Variants in PRKCB observed in about 807,000 individuals in gnomAD.
PRKCB encodes the protein protein kinase C beta type.
PRKCB carries 13 observed loss-of-function variants against 81.5 expected under a neutral mutation model. The observed-to-expected ratio is 0.16, with a 90% CI of 0.10 to 0.25. PRKCB has a LOEUF of 0.25. Among genes scored for constraint, PRKCB ranks in the 10% least tolerant of loss-of-function variants. The pLI is 1.00. For missense variants in PRKCB, 509 were observed against 875.7 expected (o/e 0.58, Z 5.29); for synonymous variants, 335 against 321.4 (o/e 1.04, Z -0.45).
Position 24,016,195 on chromosome 16 carries a change from A to G in PRKCB, c.289-15941A>G, listed in dbSNP as rs534858360. Among the ~76,000 whole-genome samples the G allele has an allele frequency of 3.3e-5, 5 of 152,270 alleles. No homozygotes were observed. The East Asian group carries it at 9.6e-4, about 29-fold the overall frequency. On this transcript the variant is annotated intron_variant, in intron 3 of 16. Coordinates refer to ENST00000643927, the MANE Select transcript of PRKCB (RefSeq NM_002738.7). ...GGATAACATCAAGAGAGCTGGCCCA[A>G]GGTCACCATTTCTTCCCAGCTTTTA...
intron 5 of PRKCB, among the ~76,000 whole-genome samples, chr16:24,080,948 A>G (rs1330443311): frequency 3.3e-5 from 5 of 152,210 alleles, no homozygotes; most frequent in Non-Finnish European, 7.4e-5. Flanking sequence ...AACCTATTTT[A>G]TGAGGCTAGC....
intron 8 of PRKCB, among the ~76,000 whole-genome samples, chr16:24,119,376 C>G (rs762464151): frequency 5.9e-5 from 9 of 152,064 alleles, no homozygotes; most frequent in African/African-American, 2.2e-4. Flanking sequence ...CTGTCCACTA[C>G]GCAAAGTCAA....
chr16:23,905,765 G>T (rs1317258032), intron 2 of PRKCB, among the ~76,000 whole-genome samples: 1 of 152,130 alleles, frequency 6.6e-6, no homozygotes, highest in African/African-American at 2.4e-5. Context: ...ATAAATATGG[G>T]TTGAATGAGT....
At chr16:24,044,971 G>A (rs1055299697) in intron 5 of PRKCB, among the ~76,000 whole-genome samples, 14 of 152,180 alleles carry the variant, frequency 9.2e-5, no homozygotes, top group Non-Finnish European at 2.1e-4. Flanking sequence ...GGTGTGGAAG[G>A]ATACCAACCA....
At position 23,836,280 on chromosome 16, in the gene PRKCB, G is replaced by A; in HGVS notation, c.105G>A (p.Lys35=). ...ALRQKNVHEV[K]NHKFTARFFK... ...GGCAGAAGAACGTGCATGAGGTCAAGAACCACAAATTCACCGCCCGCTTCT... is the reference window on the plus strand; with the variant it reads ...GGCAGAAGAACGTGCATGAGGTCAAAAACCACAAATTCACCGCCCGCTTCT... Residue 35 remains lysine (K), a synonymous_variant, in exon 1 of 17, where the codon AAG becomes AAA. Transcript: ENST00000643927. 1 of 1,605,642 alleles carries A rather than the reference G, an allele frequency of 6.2e-7. No homozygotes were observed. The highest frequency in any genetic ancestry group is 8.5e-7 in the Non-Finnish European group (1 of 1,176,344).
At chr16:24,182,741 C>T (rs1413777631) in intron 13 of PRKCB, among the ~76,000 whole-genome samples, 1 of 152,144 alleles carries the variant, frequency 6.6e-6, no homozygotes, top group African/African-American at 2.4e-5. Context: ...GCAACTTCAC[C>T]AGCCACACAG....
intron 3 of PRKCB, among the ~76,000 whole-genome samples, chr16:23,989,734 G>A (rs1311564976): frequency 6.6e-6 from 1 of 152,086 alleles, no homozygotes; most frequent in Non-Finnish European, 1.5e-5. Context: ...TAAAGTTTAG[G>A]GTACATTGTT....
intron 2 of PRKCB, among the ~76,000 whole-genome samples, chr16:23,907,285 A>G (rs1963575483): frequency 6.6e-6 from 1 of 152,152 alleles, no homozygotes; most frequent in Admixed American, 6.5e-5. Context: ...CCTCCCATCC[A>G]TTTCTTTTAA....
Position 24,021,072 on chromosome 16 carries a change from C to CTCCCTTCTTTCTTTCTTTCTTTCT in PRKCB, c.289-11063_289-11062insCCCTTCTTTCTTTCTTTCTTTCTT. Reference sequence around the variant, plus strand: ...TTTCTTTCTTTCCCTCCCTCCCTCCCTTCTTTCTTTCTTTCTTTTTTTCTT... The same window carrying CTCCCTTCTTTCTTTCTTTCTTTCT: ...TTTCTTTCTTTCCCTCCCTCCCTCCCTCCCTTCTTTCTTTCTTTCTTTCTTTCTTTCTTTCTTTCTTTTTTTCTT... On this transcript the variant is annotated intron_variant, in intron 3 of 16. Transcript: ENST00000643927. Among the ~76,000 whole-genome samples, 79 of 94,472 alleles carry CTCCCTTCTTTCTTTCTTTCTTTCT rather than the reference C, an allele frequency of 8.4e-4. 1 individual carries two copies. The highest frequency in any genetic ancestry group is 1.3e-3 in the Admixed American group (13 of 9,950). 62.0% of individuals were successfully genotyped at this position (94,472 alleles called of 152,430 possible).
chr16:23,878,349 C>A (rs1963049786), intron 2 of PRKCB, among the ~76,000 whole-genome samples: 1 of 152,138 alleles, frequency 6.6e-6, no homozygotes, highest in Non-Finnish European at 1.5e-5. Flanking sequence ...TCATTAACAT[C>A]TAACTCACTG....
chr16:23,897,929 T>C (rs1263083150), intron 2 of PRKCB, among the ~76,000 whole-genome samples: 1 of 151,970 alleles, frequency 6.6e-6, no homozygotes, highest in African/African-American at 2.4e-5. Flanking sequence ...AATGGAGTCT[T>C]GCTCTGTTGT....
At chr16:23,943,139 A>G (rs1964158690) in intron 2 of PRKCB, among the ~76,000 whole-genome samples, 3 of 152,196 alleles carry the variant, frequency 2.0e-5, no homozygotes, top group Admixed American at 2.0e-4. Context: ...GACTTGTTGC[A>G]TGGGAAACTC....
chr16:24,094,337 C>T (rs1966412631), intron 7 of PRKCB, 40 bp downstream of exon 7: 12 of 1,601,432 alleles, frequency 7.5e-6, no homozygotes, highest in Non-Finnish European at 1.0e-5. Flanking sequence ...ATACAGCTTG[C>T]TCCATCAAAC....
chr16:23,925,948 A>T (rs1361924947), intron 2 of PRKCB, among the ~76,000 whole-genome samples: 2 of 150,888 alleles, frequency 1.3e-5, no homozygotes, highest in African/African-American at 4.9e-5. Context: ...TTTTTAAGAT[A>T]ATGGCTTTGG....
At position 24,147,977 on chromosome 16, in the gene PRKCB, C is replaced by CT. The variant is rs559590393; in HGVS notation, c.1066-6704dup. Among the ~76,000 whole-genome samples, 689 of 152,210 alleles carry CT rather than the reference C, an allele frequency of 4.5e-3. 9 individuals are homozygous for CT. The highest frequency in any genetic ancestry group is 0.015 in the African/African-American group (627 of 41,532). On this transcript the variant is annotated intron_variant, in intron 9 of 16. Coordinates refer to ENST00000643927, the MANE Select transcript of PRKCB (RefSeq NM_002738.7). Reference sequence around the variant, plus strand: ...ACTAGGCCTTTGAGTATCACAAATTCTTTGTCCAGCCACCCTACTTGGTGG... The same window carrying CT: ...ACTAGGCCTTTGAGTATCACAAATTCTTTTGTCCAGCCACCCTACTTGGTGG...
chr16:23,966,027 CAAGAGGGCCATGGGGT>C (rs1458020382), intron 2 of PRKCB, among the ~76,000 whole-genome samples: 1 of 152,184 alleles, frequency 6.6e-6, no homozygotes, highest in African/African-American at 2.4e-5. Flanking sequence ...ACAGCAAAAC[CAAGAGGGCCATGGGGT>C]AAGAGGGCCA....
chr16:23,984,191 G>A (rs1002568802), intron 2 of PRKCB, among the ~76,000 whole-genome samples: 3 of 152,198 alleles, frequency 2.0e-5, no homozygotes, highest in African/African-American at 4.8e-5. Context: ...AAAAAGAACA[G>A]TGGATAATAT....
intron 10 of PRKCB, among the ~76,000 whole-genome samples, chr16:24,168,276 G>C (rs1967377872): frequency 6.6e-6 from 1 of 152,146 alleles, no homozygotes; most frequent in Non-Finnish European, 1.5e-5. Flanking sequence ...TTAGTAAGTA[G>C]TGCAACAAGA....
intron 2 of PRKCB, among the ~76,000 whole-genome samples, chr16:23,840,902 CTCTG>C (rs1163353493): frequency 3.3e-5 from 5 of 152,134 alleles, no homozygotes; most frequent in Admixed American, 6.5e-5. Flanking sequence ...TTTGTTTCCA[CTCTG>C]TCTATTTCTT....
Sources: allele counts gnomAD v4.1 joint callset (sites outside exome capture counted in the v4.1 genomes callset), GRCh38; gene constraint gnomAD v4.1.1; transcripts MANE v1.5; gene names NCBI Gene and HGNC (gene_info 2026-07-23, HGNC 2026-07-21).